Variants in ARHGAP10 observed in about 807,000 individuals in gnomAD.
The protein encoded by ARHGAP10 is rho GTPase-activating protein 10.
ARHGAP10 carries 87 observed loss-of-function variants against 108.6 expected under a neutral mutation model. The ratio of observed to expected loss-of-function variants is 0.80; its 90% CI spans 0.67 to 0.96. ARHGAP10 has a LOEUF of 0.96. Ranked by LOEUF, ARHGAP10 falls within the 40% of genes least tolerant of loss-of-function variation. The probability of loss-of-function intolerance (pLI) is 0.00; values close to 1 mark genes in which losing one functional copy is unlikely to be tolerated. For synonymous variants in ARHGAP10, 347 were observed against 341.1 expected (o/e 1.02, Z -0.19); for missense variants, 939 against 954.5 (o/e 0.98, Z 0.21).
intron 10 of ARHGAP10, among the ~76,000 whole-genome samples, chr4:147,883,793 C>T (rs1735433929): frequency 6.6e-6 from 1 of 152,076 alleles, no homozygotes; most frequent in Non-Finnish European, 1.5e-5. Flanking sequence ...CTCCCGGGCT[C>T]AAGTGATTCT....
intron 10 of ARHGAP10, among the ~76,000 whole-genome samples, chr4:147,889,393 A>G (rs1735699150): frequency 6.6e-6 from 1 of 152,082 alleles, no homozygotes; most frequent in Non-Finnish European, 1.5e-5. Context: ...TCTGCCTCCC[A>G]GGTTTGAGTG....
chr4:147,881,186 T>C (rs1358922033), intron 9 of ARHGAP10, among the ~76,000 whole-genome samples: 2 of 150,408 alleles, frequency 1.3e-5, no homozygotes, highest in Non-Finnish European at 3.0e-5. Context: ...AGTCACAGAG[T>C]TGCTTGAACC....
At chr4:147,869,417 T>G (rs1346087293) in intron 7 of ARHGAP10, among the ~76,000 whole-genome samples, 2 of 152,186 alleles carry the variant, frequency 1.3e-5, no homozygotes, top group Non-Finnish European at 2.9e-5. Flanking sequence ...TAGATGGGAA[T>G]GAGCAATATT....
At chr4:147,935,433 G>A (rs1453296885) in intron 13 of ARHGAP10, among the ~76,000 whole-genome samples, 1 of 152,248 alleles carries the variant, frequency 6.6e-6, no homozygotes, top group Non-Finnish European at 1.5e-5. Context: ...ATTCAGGACT[G>A]TGTTGAAGAG....
At chr4:147,828,731 T>C (rs1732822843) in intron 3 of ARHGAP10, among the ~76,000 whole-genome samples, 1 of 152,120 alleles carries the variant, frequency 6.6e-6, no homozygotes, top group Non-Finnish European at 1.5e-5. Flanking sequence ...CCCCCTACAA[T>C]GTCCAGCTTT....
intron 19 of ARHGAP10, among the ~76,000 whole-genome samples, chr4:148,029,549 G>A (rs1728039753): frequency 6.6e-6 from 1 of 152,204 alleles, no homozygotes; most frequent in Non-Finnish European, 1.5e-5. Context: ...TGTAGCTATA[G>A]ATGTTTCCTT....
intron 20 of ARHGAP10, among the ~76,000 whole-genome samples, chr4:148,062,250 T>C (rs1009220865): frequency 1.2e-4 from 18 of 152,172 alleles, no homozygotes; most frequent in Non-Finnish European, 2.6e-4. Flanking sequence ...AACACGGTGC[T>C]AGTTCTCCGG....
chr4:147,734,673 ATTC>A (rs2126672041), intron 1 of ARHGAP10, among the ~76,000 whole-genome samples: 1 of 152,266 alleles, frequency 6.6e-6, no homozygotes, highest in Non-Finnish European at 1.5e-5. Context: ...AGCAGGTCTT[ATTC>A]TTTTGCGTCC....
chr4:147,874,812 C>T (rs1734992883), intron 7 of ARHGAP10, among the ~76,000 whole-genome samples: 1 of 151,938 alleles, frequency 6.6e-6, no homozygotes, highest in African/African-American at 2.4e-5. Context: ...GGCTTATACT[C>T]CTCTGGTAGC....
chr4:147,775,486 T>C (rs1451352926), intron 1 of ARHGAP10, among the ~76,000 whole-genome samples: 1 of 152,172 alleles, frequency 6.6e-6, no homozygotes, highest in Non-Finnish European at 1.5e-5. Flanking sequence ...AGAGCTGCAT[T>C]AGGGGCCTAT....
At chr4:147,873,155 A>T (rs933169295) in intron 7 of ARHGAP10, among the ~76,000 whole-genome samples, 25 of 152,188 alleles carry the variant, frequency 1.6e-4, no homozygotes, top group African/African-American at 5.5e-4. Flanking sequence ...TAAAAAGAAC[A>T]AGAGCTCCTT....
intron 3 of ARHGAP10, among the ~76,000 whole-genome samples, chr4:147,829,175 C>T (rs575485219): frequency 6.6e-5 from 10 of 152,112 alleles, no homozygotes; most frequent in South Asian, 6.2e-4. Context: ...CTCAGCCTCC[C>T]GAGTAGCTGG....
At chr4:147,740,488 T>C (rs576342633) in intron 1 of ARHGAP10, among the ~76,000 whole-genome samples, 1 of 152,282 alleles carries the variant, frequency 6.6e-6, no homozygotes, top group African/African-American at 2.4e-5. Flanking sequence ...GTACATTTGA[T>C]CTAGTTAGGA....
chr4:147,762,630 C>G (rs1051880324), intron 1 of ARHGAP10, among the ~76,000 whole-genome samples: 1 of 151,340 alleles, frequency 6.6e-6, no homozygotes, highest in African/African-American at 2.4e-5. Context: ...CCCGGGTTCA[C>G]GCCATTCTCC....
At chr4:147,773,680 A>G (rs1436545109) in intron 1 of ARHGAP10, among the ~76,000 whole-genome samples, 1 of 152,218 alleles carries the variant, frequency 6.6e-6, no homozygotes, top group Non-Finnish European at 1.5e-5. Context: ...AGTGTTAAAA[A>G]GCATGCACTC....
At chr4:147,765,749 A>G (rs1729779930) in intron 1 of ARHGAP10, among the ~76,000 whole-genome samples, 1 of 152,192 alleles carries the variant, frequency 6.6e-6, no homozygotes, top group Non-Finnish European at 1.5e-5. Context: ...GCAGTGAGCC[A>G]TGATTGCACA....
chr4:147,767,442 A>G (rs141780621), intron 1 of ARHGAP10, among the ~76,000 whole-genome samples: 1 of 151,934 alleles, frequency 6.6e-6, no homozygotes, highest in East Asian at 1.9e-4. Context: ...CTGCATGTCT[A>G]GTATCAGAAT....
chr4:147,902,417 T>C (rs1313491884), intron 10 of ARHGAP10, among the ~76,000 whole-genome samples: 5 of 152,066 alleles, frequency 3.3e-5, no homozygotes, highest in East Asian at 1.9e-4. Context: ...CTGCCTGAGA[T>C]TGGATAATTT....
At position 147,866,825 on chromosome 4, in the gene ARHGAP10, G is replaced by C. The variant is rs760894570; in HGVS notation, c.702+9G>C. Reference sequence around the variant, plus strand: ...AGATCAACATTCAGAATGTAAGGAAGTGAAAGCTTTCTTTATAAAAAGATG... The same window carrying C: ...AGATCAACATTCAGAATGTAAGGAACTGAAAGCTTTCTTTATAAAAAGATG... On this transcript the variant is annotated intron_variant, in intron 7 of 22. Transcript: ENST00000336498. 1 of 1,570,768 alleles carries C rather than the reference G, an allele frequency of 6.4e-7. No homozygotes were observed. The highest frequency in any genetic ancestry group is 8.7e-7 in the Non-Finnish European group (1 of 1,147,456).
Sources: gnomAD v4.1 joint callset for allele counts (sites outside exome capture counted in the v4.1 genomes callset) on GRCh38, gnomAD v4.1.1 for gene constraint, MANE v1.5 for transcripts, NCBI Gene and HGNC (gene_info 2026-07-23, HGNC 2026-07-21) for gene names.